The following AATF variants were observed in gnomAD, a reference collection of about 807,000 sequenced individuals.
AATF encodes apoptosis antagonizing transcription factor.
AATF carries 48 observed loss-of-function variants against 63.7 expected under a neutral mutation model. That is an observed-to-expected ratio of 0.75 (90% CI 0.60 to 0.96). The LOEUF is 0.96. Among genes scored for constraint, AATF ranks in the 40% least tolerant of loss-of-function variants. The probability of loss-of-function intolerance (pLI) is 0.00; values close to 1 mark genes in which losing one functional copy is unlikely to be tolerated. For missense variants in AATF, 639 were observed against 685.7 expected (o/e 0.93, Z 0.76); for synonymous variants, 258 against 247.7 (o/e 1.04, Z -0.39).
At chr17:37,047,933 T>G (rs1226335189) in intron 11 of AATF, among the ~76,000 whole-genome samples, 1 of 152,216 alleles carries the variant, frequency 6.6e-6, no homozygotes, top group Non-Finnish European at 1.5e-5. Context: ...GTATCTAGAT[T>G]TAGGTAATTA....
chr17:36,977,837 G>A (rs1399965393), intron 4 of AATF, among the ~76,000 whole-genome samples: 1 of 152,160 alleles, frequency 6.6e-6, no homozygotes, highest in Non-Finnish European at 1.5e-5. Context: ...AAAGTGCTCA[G>A]TAGCGATGCA....
intron 10 of AATF, among the ~76,000 whole-genome samples, chr17:37,025,916 T>C (rs2071507370): frequency 1.3e-5 from 2 of 152,348 alleles, no homozygotes; most frequent in African/African-American, 4.8e-5. Context: ...TCCCCCAAGA[T>C]ATTTGTCCAT....
At chr17:37,048,039 C>T (rs1456906029) in intron 11 of AATF, among the ~76,000 whole-genome samples, 1 of 152,048 alleles carries the variant, frequency 6.6e-6, no homozygotes, top group African/African-American at 2.4e-5. Flanking sequence ...CTTTCTTTCC[C>T]CTTTACCTCC....
At chr17:36,988,314 A>G (rs2071184874) in intron 5 of AATF, among the ~76,000 whole-genome samples, 1 of 150,148 alleles carries the variant, frequency 6.7e-6, no homozygotes. Flanking sequence ...AGACTGTCTC[A>G]AAAAAAAAAG....
At chr17:36,961,683 T>C (rs1050503757) in intron 4 of AATF, among the ~76,000 whole-genome samples, 2 of 152,096 alleles carry the variant, frequency 1.3e-5, no homozygotes, top group African/African-American at 2.4e-5. Context: ...GATTTTTTTT[T>C]TTTTTGGAGA....
chr17:37,024,375 C>T lies in AATF; in HGVS notation c.1547+3361C>T, dbSNP rs142837905. On this transcript the variant is annotated intron_variant, in intron 10 of 11. Coordinates refer to ENST00000619387, the MANE Select transcript of AATF (RefSeq NM_012138.4). ...GAGAGTCTGGGACCCATTTTGGGAA[C>T]TGTAATTAATTTGTTTTGGCAGAGA... is the stretch of plus-strand genomic sequence containing the variant. Among the ~76,000 whole-genome samples the T allele has an allele frequency of 2.0e-5, 3 of 152,288 alleles. No individual in the cohort carries two copies. The East Asian group carries it at 5.8e-4, about 29-fold the overall frequency.
intron 10 of AATF, among the ~76,000 whole-genome samples, chr17:37,022,595 A>C (rs1003049522): frequency 2.6e-5 from 4 of 152,202 alleles, no homozygotes; most frequent in African/African-American, 7.2e-5. Context: ...GGTGAAGAGC[A>C]TGGACTTAAG....
intron 4 of AATF, among the ~76,000 whole-genome samples, chr17:36,959,102 G>A (rs1390734171): frequency 6.6e-6 from 1 of 151,204 alleles, no homozygotes; most frequent in Non-Finnish European, 1.5e-5. Flanking sequence ...GCGAGATTGC[G>A]CCACTGCACT....
At chr17:36,953,525 A>G (rs150218505) in intron 3 of AATF, among the ~76,000 whole-genome samples, 29 of 152,298 alleles carry the variant, frequency 1.9e-4, no homozygotes, top group African/African-American at 6.3e-4. Flanking sequence ...ACTGGGGAAG[A>G]TTGAAGAGAA....
chr17:37,046,929 G>A (rs532998192), intron 11 of AATF, among the ~76,000 whole-genome samples: 1 of 152,256 alleles, frequency 6.6e-6, no homozygotes, highest in South Asian at 2.1e-4. Context: ...AGGGGCTGCT[G>A]TTTGAACAAG....
At chr17:36,969,728 C>T (rs1199854902) in intron 4 of AATF, among the ~76,000 whole-genome samples, 3 of 152,170 alleles carry the variant, frequency 2.0e-5, no homozygotes, top group South Asian at 2.1e-4. Context: ...TATATACACC[C>T]GGGAAACCAT....
intron 4 of AATF, among the ~76,000 whole-genome samples, chr17:36,981,358 G>C (rs567912803): frequency 2.0e-5 from 3 of 152,050 alleles, no homozygotes; most frequent in African/African-American, 7.2e-5. Context: ...CTGGGTGGTT[G>C]TTGATTTTAT....
chr17:37,001,591 A>C (rs1395054067), intron 8 of AATF, among the ~76,000 whole-genome samples: 1 of 152,258 alleles, frequency 6.6e-6, no homozygotes, highest in East Asian at 1.9e-4. Context: ...GAAAGAAACC[A>C]CATGATCATC....
Position 36,953,220 on chromosome 17 carries a change from T to C in AATF, c.618T>C (p.Asp206=), listed in dbSNP as rs906543603. The C allele has an allele frequency of 8.7e-6, 14 of 1,613,966 alleles. No homozygotes were observed. Among genetic ancestry groups the C allele is most frequent in the Non-Finnish European group, 1.2e-5 (14 of 1,180,014 alleles). ...DRAGDRNSED[D]GVVMTFSSVK... is the part of the protein sequence containing the mutation. ...CTGGAGATAGAAACAGTGAGGATGA[T>C]GGTGTGGTGATGACCTTCTCTAGTG... Residue 206 remains aspartate (D), a synonymous_variant, in exon 3 of 12, where the codon GAT becomes GAC. Coordinates refer to ENST00000619387, the MANE Select transcript of AATF (RefSeq NM_012138.4).
intron 4 of AATF, among the ~76,000 whole-genome samples, chr17:36,979,807 G>A (rs79042009): frequency 0.12 from 17,515 of 151,920 alleles, 1,278 homozygotes; most frequent in Non-Finnish European, 0.16. Flanking sequence ...CTTATTCCTC[G>A]CTTACAGTTT....
intron 11 of AATF, chr17:37,045,582 A>G (rs987679852): frequency 2.0e-5 from 3 of 152,242 alleles, no homozygotes; most frequent in African/African-American, 7.2e-5. Flanking sequence ...GTCCTCCCCT[A>G]TAAGAAAGAA....
chr17:37,046,560 G>A (rs750885417), intron 11 of AATF, among the ~76,000 whole-genome samples: 15 of 152,140 alleles, frequency 9.9e-5, no homozygotes, highest in Non-Finnish European at 1.9e-4. Flanking sequence ...GTTACTTCTT[G>A]TGCGTTTTGA....
At position 37,019,042 on chromosome 17, in the gene AATF, T is replaced by C. The variant is rs1212107109; in HGVS notation, c.1436T>C (p.Leu479Ser). 1.2e-6 allele frequency: 2 copies of C among 1,614,068 alleles called. No individual in the cohort carries two copies. The highest frequency in any genetic ancestry group is 2.7e-5 in the African/African-American group (2 of 74,946). Residue 479 changes from leucine (L) to serine (S), a missense_variant, in exon 9 of 12, where the codon TTG (leucine) becomes TCG (serine). Transcript: ENST00000619387. Reference protein sequence around the residue: ...RELIERKTSSLDPNDQVAMGR... With the variant: ...RELIERKTSSSDPNDQVAMGR... ...CTCATAGAACGGAAGACCAGCTCCT[T>C]GGATCCCAACGATCAGGTGGCCATG... is the stretch of plus-strand genomic sequence containing the variant.
At chr17:37,049,340 C>G (rs978796670) in intron 11 of AATF, among the ~76,000 whole-genome samples, 1 of 152,120 alleles carries the variant, frequency 6.6e-6, no homozygotes, top group Non-Finnish European at 1.5e-5. Context: ...CGGTGGCTCA[C>G]GCCTGTAATC....
Sources: allele counts gnomAD v4.1 joint callset (sites outside exome capture counted in the v4.1 genomes callset), GRCh38; gene constraint gnomAD v4.1.1; transcripts MANE v1.5; gene names NCBI Gene and HGNC (gene_info 2026-07-23, HGNC 2026-07-21).